Variants in FBXW11 observed in about 807,000 individuals in gnomAD.
FBXW11 encodes the protein F-box/WD repeat-containing protein 11.
In FBXW11, 19 loss-of-function variants were observed where a neutral mutation model predicts 77.6. The ratio of observed to expected loss-of-function variants is 0.24; its 90% CI spans 0.17 to 0.36. FBXW11 has a LOEUF of 0.36. Among genes scored for constraint, FBXW11 ranks in the 10% least tolerant of loss-of-function variants. The pLI, the probability that FBXW11 is intolerant of heterozygous loss-of-function variation, is 1.00. For synonymous variants in FBXW11, 235 were observed against 249.4 expected (o/e 0.94, Z 0.54); for missense variants, 334 against 704.2 (o/e 0.47, Z 5.95).
At position 171,869,525 on chromosome 5, in the gene FBXW11, A is replaced by C. The variant is rs994213041; in HGVS notation, c.1530+204T>G. Among the ~76,000 whole-genome samples the C allele has an allele frequency of 6.6e-6, 1 of 152,232 alleles. No individual in the cohort carries two copies. The highest frequency in any genetic ancestry group is 1.5e-5 in the Non-Finnish European group (1 of 68,036). On this transcript the variant is annotated intron_variant, in intron 12 of 13. Coordinates refer to ENST00000517395, the MANE Select transcript of FBXW11 (RefSeq NM_001378974.1). This position sits in a 1 kb window ranked among gnomAD's most constrained non-coding sequence, Gnocchi z 4.1. ...AGCCTGCCTTCATATCTTAAGCTGC[A>C]TTATGTCTCCCCTTAGGAAAGTGCT...
intron 2 of FBXW11, among the ~76,000 whole-genome samples, chr5:171,945,869 T>G (rs1346545685): frequency 6.6e-6 from 1 of 152,196 alleles, no homozygotes; most frequent in Non-Finnish European, 1.5e-5. Context: ...CCATTTTGAA[T>G]CCCTAACTCC....
At chr5:171,912,330 G>A (rs983989432) in intron 3 of FBXW11, among the ~76,000 whole-genome samples, 2 of 152,146 alleles carry the variant, frequency 1.3e-5, no homozygotes, top group Non-Finnish European at 2.9e-5. Flanking sequence ...GGTACCACCA[G>A]GGGGAAGCAT....
intron 13 of FBXW11, among the ~76,000 whole-genome samples, chr5:171,867,468 T>C (rs565070848): frequency 4.6e-5 from 7 of 151,236 alleles, no homozygotes; most frequent in African/African-American, 1.7e-4. Context: ...AAAAAAAAAC[T>C]TAATGGATAA....
intron 3 of FBXW11, among the ~76,000 whole-genome samples, chr5:171,913,799 A>G (rs878924362): frequency 6.8e-6 from 1 of 146,398 alleles, no homozygotes; most frequent in African/African-American, 2.5e-5. Context: ...TGCTCCCCAA[A>G]CCCCCAACCA....
intron 2 of FBXW11, among the ~76,000 whole-genome samples, chr5:171,947,684 C>G (rs1190599741): frequency 6.6e-6 from 1 of 152,072 alleles, no homozygotes; most frequent in African/African-American, 2.4e-5. Context: ...TTATTGTATA[C>G]CCAGACAATG....
At chr5:171,921,019 A>C (rs546905641) in intron 2 of FBXW11, among the ~76,000 whole-genome samples, 39 of 152,356 alleles carry the variant, frequency 2.6e-4, no homozygotes, top group Admixed American at 2.2e-3. Context: ...AAACTTGTCA[A>C]GATGTTTTCA....
chr5:171,889,910 TAAAAA>T (rs1759213375), intron 7 of FBXW11, among the ~76,000 whole-genome samples: 2 of 151,478 alleles, frequency 1.3e-5, no homozygotes, highest in Admixed American at 1.3e-4. Context: ...TTTTTTTAAA[TAAAAA>T]GAAAATGAAA....
intron 1 of FBXW11, chr5:171,996,976 C>A: frequency 7.8e-7 from 1 of 1,289,736 alleles, no homozygotes; most frequent in Non-Finnish European, 1.0e-6. Context: ...AGACAGCAGT[C>A]AAGCATCTTC....
chr5:171,966,276 A>C (rs1764181889), intron 1 of FBXW11, among the ~76,000 whole-genome samples: 1 of 152,156 alleles, frequency 6.6e-6, no homozygotes, highest in Non-Finnish European at 1.5e-5. Context: ...TGCTAGAAAA[A>C]TATTTCACCT....
chr5:171,957,705 G>A lies in FBXW11; in HGVS notation c.46-7C>T. 1 of 1,612,904 alleles carries A rather than the reference G, an allele frequency of 6.2e-7. No homozygotes were observed. Among genetic ancestry groups the A allele is most frequent in the Non-Finnish European group, 8.5e-7 (1 of 1,178,964 alleles). On this transcript the variant is annotated splice_region_variant and splice_polypyrimidine_tract_variant and intron_variant, in intron 1 of 13. Transcript: ENST00000517395. ...AAGACCTTGGCACAGAACACTGCAG[G>A]ATGACAAAAAGGAAGGAAGAGAAGA... is the stretch of plus-strand genomic sequence containing the variant.
At chr5:171,982,092 G>A (rs1456804346) in intron 1 of FBXW11, among the ~76,000 whole-genome samples, 2 of 152,120 alleles carry the variant, frequency 1.3e-5, no homozygotes, top group African/African-American at 4.8e-5. Flanking sequence ...GATAGCAGTA[G>A]TGGTTATGTG....
intron 10 of FBXW11, 142 bp downstream of exon 10, chr5:171,872,730 A>G: frequency 1.5e-6 from 1 of 657,362 alleles, no homozygotes; most frequent in Non-Finnish European, 2.7e-6. Context: ...CAGAGCCCAA[A>G]TACATTTCTA....
intron 9 of FBXW11, among the ~76,000 whole-genome samples, chr5:171,874,257 C>G (rs1383660835): frequency 2.0e-5 from 3 of 149,686 alleles, no homozygotes; most frequent in Non-Finnish European, 4.5e-5. Flanking sequence ...AATAAGCATA[C>G]AACAAGTTGT....
At chr5:171,979,597 G>A (rs1765035650) in intron 1 of FBXW11, among the ~76,000 whole-genome samples, 2 of 151,982 alleles carry the variant, frequency 1.3e-5, no homozygotes, top group African/African-American at 4.8e-5. Flanking sequence ...GTAAATAATG[G>A]TGGTGGACTA....
At chr5:171,898,946 AT>A (rs1759930698) in intron 6 of FBXW11, 57 bp downstream of exon 6, 1 of 1,165,330 alleles carries the variant, frequency 8.6e-7, no homozygotes, top group African/African-American at 1.6e-5. Flanking sequence ...CTAAGGCAAC[AT>A]AAAAAGTTGA....
intron 2 of FBXW11, among the ~76,000 whole-genome samples, chr5:171,957,393 A>G (rs1763670714): frequency 6.6e-6 from 1 of 152,234 alleles, no homozygotes; most frequent in Admixed American, 6.5e-5. Flanking sequence ...AGGGGAGGAC[A>G]GGGCCCAGCC....
chr5:172,006,340 G>A (rs1310059755), intron 1 of FBXW11, 118 bp downstream of exon 1: 5 of 884,874 alleles, frequency 5.7e-6, no homozygotes, highest in Non-Finnish European at 6.4e-6. Flanking sequence ...GGGGGCCCGG[G>A]TCTGGGTCGA....
At chr5:172,003,674 G>A (rs1305839052) in intron 1 of FBXW11, among the ~76,000 whole-genome samples, 1 of 152,116 alleles carries the variant, frequency 6.6e-6, no homozygotes, top group Admixed American at 6.5e-5. Context: ...AAGCAACCTG[G>A]GTGGACCCAG....
chr5:171,934,950 T>C (rs1187062438), intron 2 of FBXW11, among the ~76,000 whole-genome samples: 1 of 151,892 alleles, frequency 6.6e-6, no homozygotes, highest in Non-Finnish European at 1.5e-5. Context: ...ACAGTGGTTT[T>C]TTTTGTTTGT....
Sources: gnomAD v4.1 joint callset for allele counts (sites outside exome capture counted in the v4.1 genomes callset) on GRCh38, gnomAD v4.1.1 for gene constraint, Gnocchi (gnomAD v3.1) non-coding constraint, MANE v1.5 for transcripts, NCBI Gene and HGNC (gene_info 2026-07-23, HGNC 2026-07-21) for gene names.